The following VIPR2 variants were observed in gnomAD, a reference collection of about 807,000 sequenced individuals.
VIPR2 encodes the protein vasoactive intestinal peptide receptor 2.
VIPR2 carries 48 observed loss-of-function variants against 58.0 expected under a neutral mutation model. The ratio of observed to expected loss-of-function variants is 0.83; its 90% CI spans 0.66 to 1.05. The LOEUF is 1.05. Ranked by LOEUF, VIPR2 falls within the 50% of genes least tolerant of loss-of-function variation. VIPR2 has a pLI of 0.00. For missense variants in VIPR2, 534 were observed against 558.0 expected (o/e 0.96, Z 0.43); for synonymous variants, 243 against 235.2 (o/e 1.03, Z -0.30).
intron 4 of VIPR2, among the ~76,000 whole-genome samples, chr7:159,101,681 G>A (rs56102171): frequency 2.2e-5 from 3 of 137,672 alleles, no homozygotes; most frequent in Non-Finnish European, 3.1e-5. Context: ...GTAGTGAACG[G>A]GTCTCACGAG....
At chr7:159,065,449 G>A (rs952924294) in intron 4 of VIPR2, among the ~76,000 whole-genome samples, 19 of 152,210 alleles carry the variant, frequency 1.2e-4, no homozygotes, top group African/African-American at 4.1e-4. Flanking sequence ...CCCGTGGCTG[G>A]AGAGTGGAGG....
rs1366162588 is a variant in VIPR2 at position 159,030,809 on chromosome 7, G to C, written c.1144-20C>G. ...CTGCACCTGGGAGGTGAGGGCAGCG[G>C]GAACGCCCGTGAGCCTGGGCAGGTG... On this transcript the variant is annotated intron_variant, in intron 12 of 12. Coordinates refer to ENST00000262178, the MANE Select transcript of VIPR2 (RefSeq NM_003382.5). 1 of 1,547,250 alleles carries C rather than the reference G, an allele frequency of 6.5e-7. No homozygotes were observed. The highest frequency in any genetic ancestry group is 1.4e-5 in the African/African-American group (1 of 72,134).
At chr7:159,043,590 G>A (rs529189034) in intron 5 of VIPR2, among the ~76,000 whole-genome samples, 42 of 152,238 alleles carry the variant, frequency 2.8e-4, no homozygotes, top group African/African-American at 9.2e-4. Context: ...ACGCTTAGCC[G>A]GGGGAAGGCC....
At chr7:159,124,962 T>C (rs1796600623) in intron 2 of VIPR2, among the ~76,000 whole-genome samples, 1 of 152,230 alleles carries the variant, frequency 6.6e-6, no homozygotes, top group African/African-American at 2.4e-5. Context: ...ATAGAAATGC[T>C]AGTGTTTTCT....
In VIPR2 at chr7:159,030,754, C is replaced by T. The variant is rs749595356; in HGVS notation, c.1179G>A (p.Arg393=). Residue 393 remains arginine (R), a synonymous_variant, in exon 13 of 13, where the codon CGG becomes CGA. Coordinates refer to ENST00000262178, the MANE Select transcript of VIPR2 (RefSeq NM_003382.5). ...QCELKRKWRS[R]CPTPSASRDY... is the part of the protein sequence containing the mutation. ...CCCGGCTCGCGGACGGGGTCGGGCA[C>T]CGGCTTCGCCATTTTCGCTTCAGCT... 7.5e-6 allele frequency: 12 copies of T among 1,590,742 alleles called. No individual in the cohort carries two copies. The highest frequency in any genetic ancestry group is 4.6e-5 in the South Asian group (4 of 87,562).
chr7:159,048,585 T>C (rs1854787499), intron 5 of VIPR2, among the ~76,000 whole-genome samples: 1 of 152,274 alleles, frequency 6.6e-6, no homozygotes, highest in Admixed American at 6.5e-5. Context: ...AATAGCTCAT[T>C]AATATTTTTA....
chr7:159,109,951 C>T, intron 2 of VIPR2, 32 bp from the exon 3 acceptor site: 3 of 1,605,618 alleles, frequency 1.9e-6, no homozygotes, highest in Non-Finnish European at 1.7e-6. Context: ...GAGGCAGGTG[C>T]AAGGTGACAG....
chr7:159,047,666 C>T (rs990982983), intron 5 of VIPR2, among the ~76,000 whole-genome samples: 10 of 152,146 alleles, frequency 6.6e-5, no homozygotes, highest in Non-Finnish European at 2.9e-5. Flanking sequence ...GAAGTAGACT[C>T]TAGAAAAACC....
At chr7:159,143,335 C>T (rs1797549892) in intron 1 of VIPR2, among the ~76,000 whole-genome samples, 1 of 152,200 alleles carries the variant, frequency 6.6e-6, no homozygotes, top group Non-Finnish European at 1.5e-5. Flanking sequence ...TTAAGGAGGG[C>T]TCCCCCCACC....
chr7:159,035,229 G>A (rs916055503), intron 8 of VIPR2, among the ~76,000 whole-genome samples: 83 of 152,242 alleles, frequency 5.5e-4, no homozygotes, highest in African/African-American at 1.9e-3. Flanking sequence ...TGCAGGCTTG[G>A]GTCCATGCTT....
chr7:159,059,417 A>G (rs142155650), intron 4 of VIPR2: 1 of 460,458 alleles, frequency 2.2e-6, no homozygotes, highest in East Asian at 7.0e-5. Flanking sequence ...TATTTTTGTC[A>G]AGAGGCCCTA....
rs1857957587 is a variant in VIPR2, at chr7:159,097,817, T to A, written c.357+5940A>T. Among the ~76,000 whole-genome samples, 2 of 152,134 alleles carry A rather than the reference T, an allele frequency of 1.3e-5. No individual in the cohort carries two copies. The highest frequency in any genetic ancestry group is 2.9e-5 in the Non-Finnish European group (2 of 68,016). ...GTGGGATAGGGCGGGCAACAGGGCT[T>A]TGTGCAAAGTCACTCAGCCATCGGT... is the stretch of plus-strand genomic sequence containing the variant. On this transcript the variant is annotated intron_variant, in intron 4 of 12. Transcript: ENST00000262178. The surrounding 1 kb of genome is among the most constrained non-coding windows in gnomAD (Gnocchi z 5.3).
At chr7:159,060,024 A>C (rs1285771076) in intron 4 of VIPR2, among the ~76,000 whole-genome samples, 2 of 149,442 alleles carry the variant, frequency 1.3e-5, no homozygotes, top group African/African-American at 5.0e-5. Flanking sequence ...CAACTCATCC[A>C]ACCCATCCTC....
chr7:159,081,416 T>G (rs561536073), intron 4 of VIPR2, among the ~76,000 whole-genome samples: 1 of 152,234 alleles, frequency 6.6e-6, no homozygotes, highest in Admixed American at 6.5e-5. Flanking sequence ...GCTAGCCATA[T>G]GTAGAAAGCT....
At chr7:159,049,301 AG>A (rs1019259814) in intron 5 of VIPR2, among the ~76,000 whole-genome samples, 12 of 142,658 alleles carry the variant, frequency 8.4e-5, no homozygotes, top group African/African-American at 3.7e-4. Flanking sequence ...GCCGTGAAGG[AG>A]GATACCTCAG....
intron 4 of VIPR2, among the ~76,000 whole-genome samples, chr7:159,069,346 A>T (rs1041832836): frequency 6.6e-6 from 1 of 152,162 alleles, no homozygotes; most frequent in African/African-American, 2.4e-5. Context: ...ACCCACGTGC[A>T]GTCTGGCTGG....
chr7:159,074,627 C>T (rs1348310510), intron 4 of VIPR2, among the ~76,000 whole-genome samples: 1 of 152,194 alleles, frequency 6.6e-6, no homozygotes, highest in African/African-American at 2.4e-5. Flanking sequence ...TATTTGGTTA[C>T]TGCAACGTGA....
rs142697202 is a variant in VIPR2, at chr7:159,039,684, G to T, written c.598-2782C>A. On this transcript the variant is annotated intron_variant, in intron 6 of 12. Transcript: ENST00000262178. The stretch of plus-strand genomic sequence containing the variant: ...CCCTTCCACCACGTGAGGACACAGA[G>T]AAGTCAGACCCGAATCTGGTGGTGC... 3.6e-3 allele frequency among the ~76,000 whole-genome samples: 542 copies of T among 152,210 alleles called. 6 individuals are homozygous for T. The highest frequency in any genetic ancestry group is 0.012 in the African/African-American group (486 of 41,532).
intron 4 of VIPR2, among the ~76,000 whole-genome samples, chr7:159,065,737 T>C (rs147167453): frequency 1.3e-5 from 2 of 152,304 alleles, no homozygotes; most frequent in East Asian, 3.9e-4. Flanking sequence ...TTATTGAAAG[T>C]GCTTTGCTCC....
Sources: gnomAD v4.1 joint callset for allele counts (sites outside exome capture counted in the v4.1 genomes callset) on GRCh38, gnomAD v4.1.1 for gene constraint, Gnocchi (gnomAD v3.1) non-coding constraint, MANE v1.5 for transcripts, NCBI Gene and HGNC (gene_info 2026-07-23, HGNC 2026-07-21) for gene names.